The following PAX5 variants were observed in gnomAD, a reference collection of about 807,000 sequenced individuals.
PAX5 encodes paired box protein Pax-5.
Under a neutral mutation model 43.7 loss-of-function variants are expected in PAX5, and 9 were observed. The ratio of observed to expected loss-of-function variants is 0.21; its 90% CI spans 0.12 to 0.36. The LOEUF (loss-of-function observed/expected upper bound fraction) is 0.36. PAX5 is among the 10% of genes least tolerant of loss of function. PAX5 has a pLI of 1.00. For synonymous variants in PAX5, 228 were observed against 214.3 expected, an observed-to-expected ratio of 1.06 and a Z score of -0.56; for missense variants, 383 against 532.7, an observed-to-expected ratio of 0.72 and a Z score of 2.77.
intron 7 of PAX5, among the ~76,000 whole-genome samples, chr9:36,910,687 C>T (rs960920545): frequency 4.6e-5 from 7 of 152,188 alleles, no homozygotes; most frequent in African/African-American, 1.7e-4. Flanking sequence ...GAAATCACTT[C>T]AACTGAGAAC....
intron 7 of PAX5, among the ~76,000 whole-genome samples, chr9:36,910,823 T>C (rs897392658): frequency 1.3e-5 from 2 of 152,180 alleles, no homozygotes; most frequent in African/African-American, 4.8e-5. Flanking sequence ...CCGCCGGACC[T>C]CTATGCTTTC....
intron 7 of PAX5, among the ~76,000 whole-genome samples, chr9:36,904,722 A>G (rs1828679570): frequency 6.6e-6 from 1 of 152,220 alleles, no homozygotes; most frequent in East Asian, 1.9e-4. Flanking sequence ...AAAGATATGT[A>G]TGTGAGTGTG....
rs1354475125 is a variant in PAX5 at position 36,949,470 on chromosome 9, T to G, written c.780+17079A>C. On this transcript the variant is annotated intron_variant, in intron 6 of 9. Coordinates refer to ENST00000358127, the MANE Select transcript of PAX5 (RefSeq NM_016734.3). ...AACTTTGTACACAAAGGAAGAAAAG[T>G]TCGTATTTGTTTGAGATGTGATAAT... Among the ~76,000 whole-genome samples the G allele has an allele frequency of 2.6e-5, 4 of 152,172 alleles. No individual in the cohort carries two copies. The East Asian group carries it at 7.7e-4, about 29-fold the overall frequency.
intron 5 of PAX5, among the ~76,000 whole-genome samples, chr9:36,971,581 G>T (rs184961523): frequency 6.6e-6 from 1 of 152,180 alleles, no homozygotes; most frequent in Non-Finnish European, 1.5e-5. Context: ...GGACAGACAC[G>T]GGCAAAAGTA....
chr9:37,020,692 G>A lies in PAX5; in HGVS notation c.156C>T (p.Cys52=), dbSNP rs370515297. 4 of 1,614,144 alleles carry A rather than the reference G, an allele frequency of 2.5e-6. No individual in the cohort carries two copies. The South Asian group carries it at 3.3e-5, about 13-fold the overall frequency. The change falls in exon 2 of 10, where the codon TGC becomes TGT. Residue 52 remains cysteine, a synonymous_variant. Coordinates refer to ENST00000358127, the MANE Select transcript of PAX5 (RefSeq NM_016734.3). ...VELAHQGVRP[C]DISRQLRVSH... The stretch of plus-strand genomic sequence containing the variant: ...TGACCCGAAGCTGCCTGGAGATGTC[G>A]CAGGGCCTGACACCTTGATGAGCAA...
At chr9:36,915,225 T>C (rs1047131893) in intron 7 of PAX5, among the ~76,000 whole-genome samples, 9 of 152,188 alleles carry the variant, frequency 5.9e-5, no homozygotes, top group African/African-American at 2.2e-4. Context: ...GCGTTTAAAA[T>C]TTTGATAGAT....
At chr9:37,018,570 C>CATAAAAAAAAAAA (rs1313189728) in intron 2 of PAX5, among the ~76,000 whole-genome samples, 1 of 70,992 alleles carries the variant, frequency 1.4e-5, no homozygotes. Flanking sequence ...CTTCAGTGAC[C>CATAAAAAAAAAAA]AAAAAAAAAA....
At chr9:36,979,153 G>A (rs1333364764) in intron 5 of PAX5, among the ~76,000 whole-genome samples, 2 of 152,156 alleles carry the variant, frequency 1.3e-5, no homozygotes, top group African/African-American at 4.8e-5. Context: ...GATGTACTCG[G>A]ACTGGCTCGA....
intron 6 of PAX5, among the ~76,000 whole-genome samples, chr9:36,952,296 A>G (rs762948383): frequency 8.7e-5 from 11 of 127,106 alleles, no homozygotes; most frequent in Admixed American, 4.9e-4. Context: ...CTGGAGCACA[A>G]TGGCGAGATC....
At chr9:36,966,803 A>G in intron 5 of PAX5, 79 bp from the exon 6 acceptor site, 3 of 1,353,460 alleles carry the variant, frequency 2.2e-6, no homozygotes, top group South Asian at 2.6e-5. Context: ...CCCTGAGACT[A>G]TGAAGAGGAC....
intron 6 of PAX5, among the ~76,000 whole-genome samples, chr9:36,944,529 C>G (rs1832337874): frequency 6.6e-6 from 1 of 152,124 alleles, no homozygotes; most frequent in Admixed American, 6.5e-5. Flanking sequence ...CTGCATGAGG[C>G]CCTCCCCACT....
intron 3 of PAX5, among the ~76,000 whole-genome samples, chr9:37,014,213 G>A (rs1370820548): frequency 6.6e-6 from 1 of 152,198 alleles, no homozygotes; most frequent in East Asian, 1.9e-4. Flanking sequence ...AGCTCTGAGA[G>A]CGCCCTTCCA....
chr9:36,867,273 G>A (rs969722689), intron 8 of PAX5, among the ~76,000 whole-genome samples: 4 of 152,156 alleles, frequency 2.6e-5, no homozygotes, highest in African/African-American at 4.8e-5. Flanking sequence ...AAGACTCTTC[G>A]GTATACACCT....
At chr9:36,978,261 C>G (rs1043058886) in intron 5 of PAX5, among the ~76,000 whole-genome samples, 27 of 152,180 alleles carry the variant, frequency 1.8e-4, no homozygotes, top group African/African-American at 5.3e-4. Flanking sequence ...CTCCACCTTA[C>G]AGAGGGATAT....
intron 6 of PAX5, among the ~76,000 whole-genome samples, chr9:36,929,906 A>G (rs1363981397): frequency 6.6e-6 from 1 of 152,092 alleles, no homozygotes; most frequent in Non-Finnish European, 1.5e-5. Context: ...TTGTATTTTG[A>G]GTAGAGATGG....
At chr9:37,016,194 G>A (rs1162149847) in intron 2 of PAX5, among the ~76,000 whole-genome samples, 1 of 152,140 alleles carries the variant, frequency 6.6e-6, no homozygotes, top group African/African-American at 2.4e-5. Flanking sequence ...TCCCCAATAA[G>A]GTAGCTTACA....
At chr9:36,895,451 G>T (rs1485076872) in intron 7 of PAX5, among the ~76,000 whole-genome samples, 1 of 152,346 alleles carries the variant, frequency 6.6e-6, no homozygotes, top group Non-Finnish European at 1.5e-5. Flanking sequence ...AGGGCAAAAG[G>T]TCTGGAGCAG....
rs1158319117 is a variant in PAX5 at position 36,871,410 on chromosome 9, C to T, written c.1012+10594G>A. On this transcript the variant is annotated intron_variant, in intron 8 of 9. Coordinates refer to ENST00000358127, the MANE Select transcript of PAX5 (RefSeq NM_016734.3). Reference sequence around the variant, plus strand: ...TTGGGCTGTGTACGTCCAGGCTCCTCTCTGCACTAATGGGGGACCCCTAAC... The same window carrying T: ...TTGGGCTGTGTACGTCCAGGCTCCTTTCTGCACTAATGGGGGACCCCTAAC... Among the ~76,000 whole-genome samples the T allele has an allele frequency of 2.6e-5, 4 of 152,222 alleles. No individual in the cohort carries two copies. The East Asian group carries it at 7.7e-4, about 29-fold the overall frequency.
Position 36,866,797 on chromosome 9 carries a change from G to T in PAX5, c.1012+15207C>A, listed in dbSNP as rs185618288. On this transcript the variant is annotated intron_variant, in intron 8 of 9. Transcript: ENST00000358127. ...GCACAGCCCTGGGTTGATTTCTAAG[G>T]TTGAGTCCAGCCCTGTCCATCAGTG... Among the ~76,000 whole-genome samples the T allele has an allele frequency of 1.3e-4, 20 of 152,120 alleles. No homozygotes were observed. The East Asian group carries it at 3.3e-3, about 25-fold the overall frequency.
Sources: allele counts gnomAD v4.1 joint callset (sites outside exome capture counted in the v4.1 genomes callset), GRCh38; gene constraint gnomAD v4.1.1; transcripts MANE v1.5; gene names NCBI Gene and HGNC (gene_info 2026-07-23, HGNC 2026-07-21).